The following ARFGEF3 variants were observed in gnomAD, a reference collection of about 807,000 sequenced individuals.
The protein encoded by ARFGEF3 is ARFGEF family member 3.
Under a neutral mutation model 221.7 loss-of-function variants are expected in ARFGEF3, and 96 were observed. That is an observed-to-expected ratio of 0.43 (90% CI 0.37 to 0.51). ARFGEF3 has a LOEUF of 0.51. Among genes scored for constraint, ARFGEF3 ranks in the 20% least tolerant of loss-of-function variants. The pLI is 0.00. For synonymous variants in ARFGEF3, 1,145 were observed against 1,126.8 expected, an observed-to-expected ratio of 1.02 and a Z score of -0.32; for missense variants, 2,410 against 2,789.9, an observed-to-expected ratio of 0.86 and a Z score of 3.07.
chr6:138,254,436 A>T (rs950992346), intron 9 of ARFGEF3, among the ~76,000 whole-genome samples: 7 of 150,540 alleles, frequency 4.6e-5, no homozygotes, highest in African/African-American at 1.7e-4. Flanking sequence ...AAAAAAAATT[A>T]AATAATAATA....
intron 5 of ARFGEF3, among the ~76,000 whole-genome samples, chr6:138,237,080 A>T (rs1309308645): frequency 2.0e-5 from 3 of 151,528 alleles, no homozygotes; most frequent in Admixed American, 1.3e-4. Context: ...AATTAAACTT[A>T]AAAAAAATTA....
At chr6:138,309,176 G>A (rs1409641311) in intron 24 of ARFGEF3, among the ~76,000 whole-genome samples, 6 of 151,780 alleles carry the variant, frequency 4.0e-5, no homozygotes, top group Non-Finnish European at 8.8e-5. Flanking sequence ...AAAGGTTCTC[G>A]GGCTCCAGGT....
chr6:138,209,805 C>G, intron 3 of ARFGEF3, 105 bp from the exon 4 acceptor site: 1 of 1,406,314 alleles, frequency 7.1e-7, no homozygotes, highest in East Asian at 2.4e-5. Flanking sequence ...TCCAGCTACA[C>G]GCCTCCCCAG....
chr6:138,270,932 G>T (rs1446314874), intron 12 of ARFGEF3, among the ~76,000 whole-genome samples: 2 of 152,176 alleles, frequency 1.3e-5, no homozygotes, highest in Non-Finnish European at 2.9e-5. Context: ...GGCAGGAAGG[G>T]CAGGAGGCAT....
chr6:138,246,694 A>G (rs1398871091), intron 8 of ARFGEF3, among the ~76,000 whole-genome samples: 2 of 152,228 alleles, frequency 1.3e-5, no homozygotes, highest in Middle Eastern at 3.2e-3. Flanking sequence ...GGGTTGGGGT[A>G]GGGGAGAGGA....
At chr6:138,276,128 T>G (rs1019227247) in intron 12 of ARFGEF3, among the ~76,000 whole-genome samples, 2 of 151,550 alleles carry the variant, frequency 1.3e-5, no homozygotes, top group Non-Finnish European at 2.9e-5. Context: ...GTTCCACACT[T>G]GGCTGGTATT....
intron 2 of ARFGEF3, among the ~76,000 whole-genome samples, chr6:138,179,025 G>A (rs538681334): frequency 1.3e-5 from 2 of 152,320 alleles, no homozygotes; most frequent in African/African-American, 4.8e-5. Context: ...GGATGCTAAA[G>A]ATACAAAGTT....
Position 138,280,177 on chromosome 6 carries a change from T to C in ARFGEF3, c.2461+13T>C. On this transcript the variant is annotated intron_variant, in intron 14 of 33. Transcript: ENST00000251691. ...ACAATGCTGACCGGTCAGTGGTTCG[T>C]TGCAAGGCCTTGGGGCACGTGGTAG... 6.2e-7 allele frequency: 1 copy of C among 1,612,798 alleles called. No homozygotes were observed. The highest frequency in any genetic ancestry group is 8.5e-7 in the Non-Finnish European group (1 of 1,179,206).
At chr6:138,169,131 T>C (rs1306760087) in intron 1 of ARFGEF3, among the ~76,000 whole-genome samples, 1 of 152,202 alleles carries the variant, frequency 6.6e-6, no homozygotes, top group African/African-American at 2.4e-5. Flanking sequence ...CCTGCCCCCA[T>C]CCCACAGTGT....
At chr6:138,245,369 T>C in intron 7 of ARFGEF3, 144 bp from the exon 8 acceptor site, 1 of 639,492 alleles carries the variant, frequency 1.6e-6, no homozygotes, top group Non-Finnish European at 2.8e-6. Context: ...ATCATCACTT[T>C]GGTGGCCTAA....
chr6:138,255,314 G>A (rs1778654693), intron 9 of ARFGEF3, 122 bp from the exon 10 acceptor site: 1 of 650,862 alleles, frequency 1.5e-6, no homozygotes, highest in Non-Finnish European at 2.6e-6. Context: ...GCAAAATGTA[G>A]CCAAAAGAAG....
intron 2 of ARFGEF3, among the ~76,000 whole-genome samples, chr6:138,178,496 G>T (rs1470040259): frequency 1.3e-5 from 2 of 152,086 alleles, no homozygotes; most frequent in African/African-American, 2.4e-5. Context: ...TAATTTCCTA[G>T]GTAGAAATTA....
chr6:138,329,498 T>A (rs1780183531), intron 32 of ARFGEF3, among the ~76,000 whole-genome samples: 1 of 152,042 alleles, frequency 6.6e-6, no homozygotes, highest in Non-Finnish European at 1.5e-5. Context: ...ACCCCGTCTC[T>A]GCTAAAAATA....
intron 4 of ARFGEF3, among the ~76,000 whole-genome samples, chr6:138,226,328 GTCTAAT>G (rs1228056390): frequency 2.0e-5 from 3 of 152,130 alleles, no homozygotes; most frequent in African/African-American, 7.2e-5. Context: ...CTCCTTTCAA[GTCTAAT>G]TCTAATTTTT....
Position 138,211,118 on chromosome 6 carries a change from C to T in ARFGEF3, c.351+1077C>T, listed in dbSNP as rs191632802. On this transcript the variant is annotated intron_variant, in intron 4 of 33. Transcript: ENST00000251691. The stretch of plus-strand genomic sequence containing the variant: ...TGTAAAATGGGGGCAATAGTAGGAC[C>T]CACCCAATAGGATTGTTTTGAGAAT... 8.1e-4 allele frequency among the ~76,000 whole-genome samples: 123 copies of T among 152,226 alleles called. No individual in the cohort carries two copies. The Middle Eastern group carries it at 0.01, about 13-fold the overall frequency.
chr6:138,212,290 G>T (rs1215153293), intron 4 of ARFGEF3, among the ~76,000 whole-genome samples: 1 of 152,224 alleles, frequency 6.6e-6, no homozygotes, highest in Non-Finnish European at 1.5e-5. Flanking sequence ...CAATTTGGGA[G>T]GCCAAGGCAG....
intron 18 of ARFGEF3, among the ~76,000 whole-genome samples, 179 bp downstream of exon 18, chr6:138,290,147 G>A (rs1474821477): frequency 6.6e-6 from 1 of 152,180 alleles, no homozygotes; most frequent in Non-Finnish European, 1.5e-5. Flanking sequence ...GGGAATAAGG[G>A]CCCAACTGAA....
intron 6 of ARFGEF3, among the ~76,000 whole-genome samples, chr6:138,239,194 A>G (rs9402964): frequency 1.3e-5 from 2 of 152,100 alleles, no homozygotes; most frequent in South Asian, 4.1e-4. Context: ...GGCTCCTTGT[A>G]TATATTATCT....
At chr6:138,166,759 G>A (rs1283833449) in intron 1 of ARFGEF3, among the ~76,000 whole-genome samples, 1 of 152,136 alleles carries the variant, frequency 6.6e-6, no homozygotes, top group Non-Finnish European at 1.5e-5. Flanking sequence ...TATCTATCAG[G>A]GGCCTTATAC....
Sources: gnomAD v4.1 joint callset for allele counts (sites outside exome capture counted in the v4.1 genomes callset) on GRCh38, gnomAD v4.1.1 for gene constraint, MANE v1.5 for transcripts, NCBI Gene and HGNC (gene_info 2026-07-23, HGNC 2026-07-21) for gene names.